The following CCDC66 variants were observed in gnomAD, a reference collection of about 807,000 sequenced individuals.
The protein encoded by CCDC66 is coiled-coil domain containing 66, also known as coiled-coil domain-containing protein 66.
In CCDC66, 133 loss-of-function variants were observed where a neutral mutation model predicts 128.3. The observed-to-expected ratio is 1.04, with a 90% CI of 0.90 to 1.20. The LOEUF is 1.20. CCDC66 is among the 50% of genes most tolerant of loss of function. The pLI, the probability that CCDC66 is intolerant of heterozygous loss-of-function variation, is 0.00. For synonymous variants in CCDC66, 387 were observed against 357.0 expected, an observed-to-expected ratio of 1.08 and a Z score of -0.95; for missense variants, 1,126 against 1,075.5, an observed-to-expected ratio of 1.05 and a Z score of -0.66.
chr3:56,601,681 T>C (rs1458084344), intron 10 of CCDC66, among the ~76,000 whole-genome samples: 1 of 152,040 alleles, frequency 6.6e-6, no homozygotes, highest in Admixed American at 6.6e-5. Flanking sequence ...CTTAAAGAGG[T>C]CCTTCACGTC....
At chr3:56,558,932 T>C (rs1292960079) in intron 2 of CCDC66, 22 bp downstream of exon 2, 21 of 1,490,692 alleles carry the variant, frequency 1.4e-5, no homozygotes, top group African/African-American at 2.8e-5. Context: ...TACAGAAATC[T>C]GAAATGTTAA....
intron 7 of CCDC66, among the ~76,000 whole-genome samples, chr3:56,592,246 T>C (rs1196692304): frequency 6.6e-6 from 1 of 152,238 alleles, no homozygotes; most frequent in Non-Finnish European, 1.5e-5. Flanking sequence ...TATATTCTCC[T>C]TGTTCTTGGT....
chr3:56,593,922 G>A, intron 9 of CCDC66, 22 bp from the exon 10 acceptor site: 5 of 1,612,220 alleles, frequency 3.1e-6, no homozygotes, highest in Non-Finnish European at 3.4e-6. Flanking sequence ...GTTTTGAATA[G>A]CTAATGTATG....
rs772335048 is a variant in CCDC66 at position 56,593,412 on chromosome 3, A to C, written c.1069-79A>C. ...TTCTGCTCTAAGGTGACTTTTAGAA[A>C]TCATCTTTGGTTGTCATTTAGAATT... is the stretch of plus-strand genomic sequence containing the variant. On this transcript the variant is annotated intron_variant, in intron 8 of 17. Transcript: ENST00000394672. The C allele has an allele frequency of 1.2e-4, 179 of 1,498,654 alleles. 1 individual carries two copies. Among genetic ancestry groups the C allele is most frequent in the Non-Finnish European group, 1.6e-4 (175 of 1,099,762 alleles). 92.8% of individuals were successfully genotyped at this position (1,498,654 alleles called of 1,614,324 possible).
intron 13 of CCDC66, 68 bp from the exon 14 acceptor site, chr3:56,617,043 TG>T: frequency 8.1e-7 from 1 of 1,237,260 alleles, no homozygotes; most frequent in South Asian, 1.7e-5. Context: ...TTTAATGTTT[TG>T]GGGAAAATTA....
At chr3:56,575,752 CT>C (rs963093876) in intron 7 of CCDC66, among the ~76,000 whole-genome samples, 1 of 151,742 alleles carries the variant, frequency 6.6e-6, no homozygotes, top group African/African-American at 2.4e-5. Context: ...ATTAAGTTTT[CT>C]ATATGGTATA....
chr3:56,589,134 A>G (rs2070379748), intron 7 of CCDC66, among the ~76,000 whole-genome samples: 3 of 152,218 alleles, frequency 2.0e-5, no homozygotes, highest in Admixed American at 2.0e-4. Flanking sequence ...ACCAGAGAAT[A>G]TGACATTAGA....
At chr3:56,604,568 T>C (rs2073775623) in intron 10 of CCDC66, among the ~76,000 whole-genome samples, 1 of 151,984 alleles carries the variant, frequency 6.6e-6, no homozygotes, top group African/African-American at 2.4e-5. Context: ...AATTCCGGGT[T>C]GAAAATTCTT....
intron 6 of CCDC66, among the ~76,000 whole-genome samples, chr3:56,568,329 G>C (rs1310149131): frequency 6.6e-6 from 1 of 152,178 alleles, no homozygotes; most frequent in East Asian, 1.9e-4. Flanking sequence ...ACTGGTTCAA[G>C]GATAGTCTTC....
rs763307887 is a variant in CCDC66 at position 56,613,763 on chromosome 3, A to C, written c.1566+13A>C. On this transcript the variant is annotated intron_variant, in intron 11 of 17. Coordinates refer to ENST00000394672, the MANE Select transcript of CCDC66 (RefSeq NM_001141947.3). ...AAAACAAAAGGAAGTAGGTACTTAC[A>C]TTCTAATTGTAACTTTGGTTTTTGT... 1.9e-6 allele frequency: 3 copies of C among 1,595,746 alleles called. No homozygotes were observed. The Admixed American group carries it at 5.3e-5, about 28-fold the overall frequency.
At chr3:56,572,505 A>G (rs1366642860) in intron 7 of CCDC66, 8 of 509,024 alleles carry the variant, frequency 1.6e-5, no homozygotes, top group Non-Finnish European at 2.1e-5. Context: ...CTTGAAGGAG[A>G]GAATCTAAGT....
intron 10 of CCDC66, among the ~76,000 whole-genome samples, chr3:56,599,886 G>C (rs2072835336): frequency 6.6e-6 from 1 of 152,098 alleles, no homozygotes; most frequent in Non-Finnish European, 1.5e-5. Flanking sequence ...CTGTGTCCAT[G>C]TGTTCTCATG....
chr3:56,617,136 C>A lies in CCDC66; in HGVS notation c.1868C>A (p.Thr623Asn). Residue 623 changes from threonine to asparagine, a missense_variant, in exon 14 of 18, where the codon ACC becomes AAC. By Grantham distance (65) the Thr-to-Asn change is moderately conservative. Transcript: ENST00000394672. ...GATGACTTAAATATAGGAATATTCA[C>A]CAATGCAGAATCACATTGTGGATCA... ...QTDDLNIGIFTNAESHCGSLM... is the reference protein window; with the variant it reads ...QTDDLNIGIFNNAESHCGSLM... 6.4e-7 allele frequency: 1 copy of A among 1,554,132 alleles called. No individual in the cohort carries two copies. Among genetic ancestry groups the A allele is most frequent in the Non-Finnish European group, 8.7e-7 (1 of 1,152,568 alleles).
At chr3:56,561,775 A>G (rs2065131048) in intron 3 of CCDC66, among the ~76,000 whole-genome samples, 1 of 151,958 alleles carries the variant, frequency 6.6e-6, no homozygotes, top group Non-Finnish European at 1.5e-5. Context: ...CTGCCACTAG[A>G]TGTTGAATTC....
At chr3:56,561,734 T>G (rs2065126127) in intron 3 of CCDC66, among the ~76,000 whole-genome samples, 2 of 152,206 alleles carry the variant, frequency 1.3e-5, no homozygotes. Context: ...CCTTTTTTGT[T>G]TTGTTTTTTA....
At chr3:56,566,155 T>G (rs73081811) in intron 4 of CCDC66, among the ~76,000 whole-genome samples, 55,020 of 148,400 alleles carry the variant, frequency 0.37, 13,231 homozygotes, top group Non-Finnish European at 0.54. Flanking sequence ...AGACGACATC[T>G]GGCCCAGACT....
In CCDC66 at chr3:56,618,226, AGATT is replaced by A; in HGVS notation, c.2378+15_2378+18del. ...CAGCAAGGAAAGGTAAGTATGCATC[AGATT>A]AATTCCGCAGCTACTTAATGCTTTC... On this transcript the variant is annotated intron_variant, in intron 15 of 17. Transcript: ENST00000394672. 1 of 1,610,038 alleles carries A rather than the reference AGATT, an allele frequency of 6.2e-7. No homozygotes were observed. The highest frequency in any genetic ancestry group is 8.5e-7 in the Non-Finnish European group (1 of 1,176,608).
Position 56,593,760 on chromosome 3 carries a change from A to G in CCDC66, c.1319+19A>G. 6.2e-7 allele frequency: 1 copy of G among 1,603,698 alleles called. No individual in the cohort carries two copies. The highest frequency in any genetic ancestry group is 2.2e-5 in the East Asian group (1 of 44,598). ...AAACAAAGTAAGTTCATGCTTATGT[A>G]TTTATTGACTTTTCAGAAAGTCTGT... On this transcript the variant is annotated intron_variant, in intron 9 of 17. Transcript: ENST00000394672.
At chr3:56,602,770 G>A (rs1023404862) in intron 10 of CCDC66, among the ~76,000 whole-genome samples, 9 of 150,914 alleles carry the variant, frequency 6.0e-5, no homozygotes, top group African/African-American at 9.8e-5. Flanking sequence ...GTGTAGAGGT[G>A]TTTATAGTAT....
Sources: allele counts gnomAD v4.1 joint callset (sites outside exome capture counted in the v4.1 genomes callset), GRCh38; gene constraint gnomAD v4.1.1; transcripts MANE v1.5; gene names NCBI Gene and HGNC (gene_info 2026-07-23, HGNC 2026-07-21).